Variants in ADAM12 observed in about 807,000 individuals in gnomAD.
ADAM12 encodes ADAM metallopeptidase domain 12, also known as disintegrin and metalloproteinase domain-containing protein 12.
ADAM12 carries 70 observed loss-of-function variants against 106.4 expected under a neutral mutation model. The ratio of observed to expected loss-of-function variants is 0.66; its 90% confidence interval spans 0.54 to 0.80. The LOEUF (loss-of-function observed/expected upper bound fraction) is 0.80. Ranked by LOEUF, ADAM12 falls within the 30% of genes least tolerant of loss-of-function variation. The pLI, the probability that ADAM12 is intolerant of heterozygous loss-of-function variation, is 0.00. For synonymous variants in ADAM12, 420 were observed against 433.5 expected, an observed-to-expected ratio of 0.97 and a Z score of 0.39; for missense variants, 1,010 against 1,171.9, an observed-to-expected ratio of 0.86 and a Z score of 2.02.
Position 126,017,012 on chromosome 10 carries a change from T to C in ADAM12, c.*267A>G, listed in dbSNP as rs546926980. On this transcript the variant is annotated 3_prime_UTR_variant, in exon 23 of 23. Transcript: ENST00000448723. ...AAAAGCACAACAAGCCTTCCTGCCATGGAAAACTCAGTGATGGTAAAAATG... is the reference window on the plus strand; with the variant it reads ...AAAAGCACAACAAGCCTTCCTGCCACGGAAAACTCAGTGATGGTAAAAATG... The C allele has an allele frequency of 6.4e-5, 22 of 344,706 alleles. No homozygotes were observed. The highest frequency in any genetic ancestry group is 3.2e-4 in the African/African-American group (15 of 47,348). The allele number at this position is 344,706 out of a possible 1,614,324, so 21.4% of individuals were successfully genotyped here.
Position 126,089,416 on chromosome 10 carries a change from C to T in ADAM12, c.1145+4569G>A, listed in dbSNP as rs551507724. ...GTTTCCAAATGCCTATGAATTACAC[C>T]AGAACTAAACTAGAATTCACACACT... On this transcript the variant is annotated intron_variant, in intron 11 of 22. Coordinates refer to ENST00000448723, the MANE Select transcript of ADAM12 (RefSeq NM_001288973.2). Among the ~76,000 whole-genome samples, 6 of 152,248 alleles carry T rather than the reference C, an allele frequency of 3.9e-5. No homozygotes were observed. The East Asian group carries it at 1.2e-3, about 29-fold the overall frequency.
chr10:126,128,090 C>T (rs1057158764), intron 5 of ADAM12, among the ~76,000 whole-genome samples: 3 of 151,974 alleles, frequency 2.0e-5, no homozygotes, highest in Non-Finnish European at 2.9e-5. Context: ...CTAGTTTTGC[C>T]CATTATCACT....
intron 19 of ADAM12, 143 bp from the exon 20 acceptor site, chr10:126,038,492 A>G (rs1259627943): frequency 1.2e-5 from 7 of 598,254 alleles, no homozygotes; most frequent in African/African-American, 1.9e-5. Context: ...ATTACCTAAT[A>G]ACACTCTTAG....
intron 11 of ADAM12, among the ~76,000 whole-genome samples, chr10:126,076,431 A>G (rs1473381441): frequency 6.6e-6 from 1 of 152,206 alleles, no homozygotes; most frequent in Non-Finnish European, 1.5e-5. Context: ...GGATATATAC[A>G]CAGTAGTGGG....
intron 3 of ADAM12, among the ~76,000 whole-genome samples, chr10:126,243,582 A>G (rs1314480641): frequency 6.6e-6 from 1 of 151,904 alleles, no homozygotes; most frequent in African/African-American, 2.4e-5. Flanking sequence ...GACAAGTTAA[A>G]ACACTTATGG....
intron 1 of ADAM12, among the ~76,000 whole-genome samples, chr10:126,342,038 C>CA (rs1854948408): frequency 6.6e-6 from 1 of 152,168 alleles, no homozygotes; most frequent in African/African-American, 2.4e-5. Flanking sequence ...CAAAAGACAA[C>CA]AAGAAGGGGC....
At chr10:126,149,899 T>C (rs1471033637) in intron 4 of ADAM12, among the ~76,000 whole-genome samples, 1 of 152,210 alleles carries the variant, frequency 6.6e-6, no homozygotes, top group Non-Finnish European at 1.5e-5. Context: ...CTTGTGATCG[T>C]GTGAGTCTGT....
chr10:126,376,897 A>G (rs1856313304), intron 1 of ADAM12, among the ~76,000 whole-genome samples: 1 of 152,216 alleles, frequency 6.6e-6, no homozygotes, highest in Non-Finnish European at 1.5e-5. Context: ...AAAGCACTGT[A>G]TATGTATTCT....
intron 3 of ADAM12, among the ~76,000 whole-genome samples, chr10:126,178,406 A>ATTTTTTTTTTTTTTTTTT (rs1426086384): frequency 8.3e-6 from 1 of 120,868 alleles, no homozygotes; most frequent in African/African-American, 3.6e-5. Context: ...ATTGGAGGAC[A>ATTTTTTTTTTTTTTTTTT]TCTTTTTTTT....
intron 6 of ADAM12, 139 bp downstream of exon 6, chr10:126,117,899 C>G: frequency 3.3e-6 from 3 of 903,982 alleles, no homozygotes; most frequent in Non-Finnish European, 5.2e-6. Flanking sequence ...TGTCTACCAC[C>G]TCCAGATAAA....
intron 14 of ADAM12, among the ~76,000 whole-genome samples, chr10:126,050,238 G>A (rs763410815): frequency 1.2e-4 from 18 of 152,154 alleles, no homozygotes; most frequent in Non-Finnish European, 2.6e-4. Flanking sequence ...CAGAGGCCAT[G>A]GAGTCATAAA....
chr10:126,217,238 G>A (rs1021686847), intron 3 of ADAM12, among the ~76,000 whole-genome samples: 1 of 152,044 alleles, frequency 6.6e-6, no homozygotes, highest in African/African-American at 2.4e-5. Context: ...ATGAACTAAA[G>A]TTTACCCAGA....
intron 14 of ADAM12, among the ~76,000 whole-genome samples, chr10:126,051,010 C>T (rs1439983762): frequency 6.6e-6 from 1 of 152,150 alleles, no homozygotes; most frequent in Non-Finnish European, 1.5e-5. Flanking sequence ...CCATCTGTTC[C>T]ACATCTGCCT....
intron 14 of ADAM12, among the ~76,000 whole-genome samples, chr10:126,063,064 T>G (rs1441388941): frequency 6.6e-6 from 1 of 152,228 alleles, no homozygotes; most frequent in East Asian, 1.9e-4. Flanking sequence ...TCCTGCCCCC[T>G]GCTTTGCCCA....
At chr10:126,120,615 C>A (rs1181313383) in intron 5 of ADAM12, among the ~76,000 whole-genome samples, 1 of 151,854 alleles carries the variant, frequency 6.6e-6, no homozygotes, top group Non-Finnish European at 1.5e-5. Flanking sequence ...ATAGTTTAGG[C>A]AGATAAGGGA....
intron 21 of ADAM12, among the ~76,000 whole-genome samples, chr10:126,024,728 G>C (rs1186503862): frequency 6.6e-6 from 1 of 151,936 alleles, no homozygotes; most frequent in East Asian, 1.9e-4. Flanking sequence ...ATAAAACATA[G>C]GCCAATCAAG....
intron 11 of ADAM12, among the ~76,000 whole-genome samples, chr10:126,079,956 C>T (rs186549620): frequency 6.6e-6 from 1 of 152,302 alleles, no homozygotes; most frequent in African/African-American, 2.4e-5. Flanking sequence ...TGATTTTAGG[C>T]ATGTGCTAAA....
At chr10:126,363,064 T>C (rs1275369237) in intron 1 of ADAM12, among the ~76,000 whole-genome samples, 1 of 152,160 alleles carries the variant, frequency 6.6e-6, no homozygotes, top group Non-Finnish European at 1.5e-5. Context: ...ATTTGTCAAC[T>C]CATAATAAAA....
chr10:126,147,440 G>T (rs1386555475), intron 4 of ADAM12, among the ~76,000 whole-genome samples: 1 of 152,112 alleles, frequency 6.6e-6, no homozygotes, highest in Non-Finnish European at 1.5e-5. Flanking sequence ...GTCATGACAC[G>T]CCTTGAGGAA....
Sources: gnomAD v4.1 joint callset for allele counts (sites outside exome capture counted in the v4.1 genomes callset) on GRCh38, gnomAD v4.1.1 for gene constraint, MANE v1.5 for transcripts, NCBI Gene and HGNC (gene_info 2026-07-23, HGNC 2026-07-21) for gene names.